VTA1: variants seen among roughly 807,000 people sequenced by gnomAD.
The protein encoded by VTA1 is vacuolar protein sorting-associated protein VTA1 homolog.
In VTA1, 24 loss-of-function variants were observed where a neutral mutation model predicts 36.9. The observed-to-expected ratio is 0.65, with a 90% CI of 0.47 to 0.91. The LOEUF (loss-of-function observed/expected upper bound fraction) is 0.91. VTA1 is among the 40% of genes least tolerant of loss of function. The pLI is 0.00. For missense variants in VTA1, 393 were observed against 377.2 expected, an observed-to-expected ratio of 1.04 and a Z score of -0.35; for synonymous variants, 142 against 130.2, an observed-to-expected ratio of 1.09 and a Z score of -0.62.
chr6:142,178,934 T>C (rs1232247830), intron 4 of VTA1, among the ~76,000 whole-genome samples: 1 of 151,994 alleles, frequency 6.6e-6, no homozygotes, highest in Non-Finnish European at 1.5e-5. Flanking sequence ...ACTAAGTAAA[T>C]AGAATCTCAA....
rs755054405 is a variant in VTA1 at position 142,147,303 on chromosome 6, C to G, written c.16C>G (p.Pro6Ala). Residue 6 changes from proline to alanine, a missense_variant, in exon 1 of 8, where the codon CCG (proline) becomes GCG (alanine). Transcript: ENST00000367630. MAALA[P>A]LPPLPAQFKS... ...CGGAGTAGAGATGGCCGCGCTTGCACCGCTGCCCCCGCTCCCCGCACAGTT... is the reference window on the plus strand; with the variant it reads ...CGGAGTAGAGATGGCCGCGCTTGCAGCGCTGCCCCCGCTCCCCGCACAGTT... The G allele has an allele frequency of 1.9e-6, 3 of 1,614,090 alleles. No homozygotes were observed. In the African/African-American group the frequency reaches 4.0e-5, roughly 22 times the overall value.
intron 4 of VTA1, among the ~76,000 whole-genome samples, chr6:142,184,265 A>G (rs1166455180): frequency 6.6e-6 from 1 of 152,212 alleles, no homozygotes; most frequent in Non-Finnish European, 1.5e-5. Context: ...GTTTACCAAG[A>G]TAGACCTGAA....
At chr6:142,162,260 CTT>C (rs1401509707) in intron 1 of VTA1, among the ~76,000 whole-genome samples, 1 of 152,150 alleles carries the variant, frequency 6.6e-6, no homozygotes, top group Non-Finnish European at 1.5e-5. Flanking sequence ...CAAGGGCAGT[CTT>C]AGGAATCAAC....
chr6:142,184,946 G>A (rs777510264), intron 4 of VTA1, among the ~76,000 whole-genome samples: 5 of 152,078 alleles, frequency 3.3e-5, no homozygotes, highest in Non-Finnish European at 5.9e-5. Flanking sequence ...TTTATCTTAC[G>A]TATCCAACTA....
intron 6 of VTA1, among the ~76,000 whole-genome samples, chr6:142,201,289 C>T (rs556232987): frequency 3.3e-5 from 5 of 151,794 alleles, no homozygotes; most frequent in South Asian, 4.2e-4. Flanking sequence ...CTCTTACTCA[C>T]GTTAAGAATG....
intron 6 of VTA1, among the ~76,000 whole-genome samples, chr6:142,202,353 T>C (rs1334505577): frequency 1.3e-5 from 2 of 152,066 alleles, no homozygotes; most frequent in East Asian, 3.9e-4. Flanking sequence ...TCTATAAATA[T>C]ATTCATATAC....
intron 1 of VTA1, among the ~76,000 whole-genome samples, chr6:142,153,479 C>G (rs932884296): frequency 4.0e-5 from 6 of 151,822 alleles, no homozygotes; most frequent in African/African-American, 1.5e-4. Flanking sequence ...ATGATTTACA[C>G]CTTGTGCCCT....
chr6:142,187,441 CAACTT>C (rs1484759807), intron 4 of VTA1, among the ~76,000 whole-genome samples: 2 of 152,160 alleles, frequency 1.3e-5, no homozygotes, highest in African/African-American at 4.8e-5. Context: ...AATGAACTGA[CAACTT>C]AAGTGAGGAA....
At chr6:142,194,753 G>T (rs1482575480) in intron 5 of VTA1, among the ~76,000 whole-genome samples, 8 of 151,776 alleles carry the variant, frequency 5.3e-5, no homozygotes, top group Non-Finnish European at 1.0e-4. Context: ...CTTGACTATT[G>T]TGCCAGTGGC....
intron 1 of VTA1, among the ~76,000 whole-genome samples, chr6:142,162,096 T>C (rs1774822723): frequency 6.6e-6 from 1 of 152,206 alleles, no homozygotes; most frequent in Admixed American, 6.5e-5. Context: ...AATTAAACTA[T>C]ATTATAATTA....
At chr6:142,174,184 A>C (rs1438561074) in intron 4 of VTA1, among the ~76,000 whole-genome samples, 7 of 152,138 alleles carry the variant, frequency 4.6e-5, no homozygotes, top group Admixed American at 3.9e-4. Flanking sequence ...GAAAAGGTGC[A>C]GCTTTCAACT....
intron 2 of VTA1, among the ~76,000 whole-genome samples, chr6:142,166,680 C>T (rs1270336147): frequency 6.6e-6 from 1 of 151,484 alleles, no homozygotes; most frequent in Non-Finnish European, 1.5e-5. Flanking sequence ...ATTGCAGTGG[C>T]GTGATCTCTC....
At chr6:142,204,101 C>T (rs1775741177) in intron 7 of VTA1, 36 bp downstream of exon 7, 2 of 1,585,966 alleles carry the variant, frequency 1.3e-6, no homozygotes, top group East Asian at 4.5e-5. Flanking sequence ...ATACATTTAT[C>T]TCCTGTTTTG....
chr6:142,176,049 C>T (rs1010885437), intron 4 of VTA1, among the ~76,000 whole-genome samples: 38 of 151,988 alleles, frequency 2.5e-4, no homozygotes, highest in African/African-American at 8.9e-4. Flanking sequence ...GAATCAGTGC[C>T]CAGTTTTAGT....
intron 4 of VTA1, among the ~76,000 whole-genome samples, chr6:142,183,399 C>G (rs1223226161): frequency 6.6e-6 from 1 of 152,158 alleles, no homozygotes; most frequent in South Asian, 2.1e-4. Context: ...GTGAGTCTTA[C>G]AGGTCCTAAG....
At chr6:142,177,957 G>A (rs994375568) in intron 4 of VTA1, among the ~76,000 whole-genome samples, 3 of 152,100 alleles carry the variant, frequency 2.0e-5, no homozygotes, top group African/African-American at 7.2e-5. Flanking sequence ...CTGTATTTGG[G>A]AGTCTAACAT....
rs370008100 is a variant in VTA1, at chr6:142,164,724, A to G, written c.113-1504A>G. On this transcript the variant is annotated intron_variant, in intron 1 of 7. Transcript: ENST00000367630. ...AATAACACAGCAGGGTAGGCAGTAT[A>G]CAGAGTTGGGCCCTATTATCCCATG... 4.6e-5 allele frequency among the ~76,000 whole-genome samples: 7 copies of G among 152,326 alleles called. No homozygotes were observed. The East Asian group carries it at 1.2e-3, about 25-fold the overall frequency.
intron 4 of VTA1, among the ~76,000 whole-genome samples, chr6:142,183,747 G>A (rs1775289765): frequency 6.6e-6 from 1 of 152,072 alleles, no homozygotes; most frequent in African/African-American, 2.4e-5. Context: ...AAACAACATT[G>A]AAAAGTGAAT....
chr6:142,188,796 GT>G (rs1454048027), intron 4 of VTA1, among the ~76,000 whole-genome samples: 1 of 152,138 alleles, frequency 6.6e-6, no homozygotes, highest in Non-Finnish European at 1.5e-5. Context: ...AGCATATCAT[GT>G]TACATTAGTT....
Sources: gnomAD v4.1 joint callset for allele counts (sites outside exome capture counted in the v4.1 genomes callset) on GRCh38, gnomAD v4.1.1 for gene constraint, MANE v1.5 for transcripts, NCBI Gene and HGNC (gene_info 2026-07-23, HGNC 2026-07-21) for gene names.